Variants in RSPO3 observed in about 807,000 individuals in gnomAD.
RSPO3 encodes R-spondin-3.
Under a neutral mutation model 36.5 loss-of-function variants are expected in RSPO3, and 17 were observed. The observed-to-expected ratio is 0.47, with a 90% CI of 0.32 to 0.70. RSPO3 has a LOEUF of 0.70. Among genes scored for constraint, RSPO3 ranks in the 30% least tolerant of loss-of-function variants. RSPO3 has a pLI of 0.04. For synonymous variants in RSPO3, 108 were observed against 107.0 expected, an observed-to-expected ratio of 1.01 and a Z score of -0.06; for missense variants, 294 against 322.5, an observed-to-expected ratio of 0.91 and a Z score of 0.68.
intron 4 of RSPO3, among the ~76,000 whole-genome samples, chr6:127,180,494 A>G (rs866634629): frequency 0.017 from 2,499 of 146,210 alleles, 20 homozygotes; most frequent in African/African-American, 0.059. Flanking sequence ...AAACAAAAAA[A>G]AAAAAAAAAA....
intron 1 of RSPO3, among the ~76,000 whole-genome samples, chr6:127,121,717 T>C (rs914052598): frequency 5.3e-5 from 8 of 152,312 alleles, no homozygotes; most frequent in African/African-American, 1.9e-4. Flanking sequence ...AACTCAGATA[T>C]ACCGTTTGTT....
At chr6:127,148,414 T>C (rs1186319006) in intron 1 of RSPO3, among the ~76,000 whole-genome samples, 1 of 151,768 alleles carries the variant, frequency 6.6e-6, no homozygotes, top group Non-Finnish European at 1.5e-5. Context: ...TTTGAGGCAG[T>C]ATATTCTTTA....
At chr6:127,127,146 C>A (rs895774350) in intron 1 of RSPO3, among the ~76,000 whole-genome samples, 3 of 152,036 alleles carry the variant, frequency 2.0e-5, no homozygotes, top group African/African-American at 4.8e-5. Context: ...CCACATAATA[C>A]AAACCACTAC....
rs145884899 is a variant in RSPO3 at position 127,157,479 on chromosome 6, T to C, written c.634+2041T>C. ...TCAACTGTTAAAACTGGCATTTATCTCATCTAGAAAGAGATAAAATAAACA... is the reference window on the plus strand; with the variant it reads ...TCAACTGTTAAAACTGGCATTTATCCCATCTAGAAAGAGATAAAATAAACA... On this transcript the variant is annotated intron_variant, in intron 4 of 4. Transcript: ENST00000356698. Among the ~76,000 whole-genome samples the C allele has an allele frequency of 2.8e-3, 430 of 152,178 alleles. 2 individuals carry two copies. The highest frequency in any genetic ancestry group is 9.5e-3 in the African/African-American group (394 of 41,568).
chr6:127,196,042 T>C lies in RSPO3; in HGVS notation c.*35T>C. The C allele has an allele frequency of 6.5e-7, 1 of 1,529,176 alleles. No homozygotes were observed. The highest frequency in any genetic ancestry group is 8.8e-7 in the Non-Finnish European group (1 of 1,132,636). 94.7% of individuals were successfully genotyped at this position (1,529,176 alleles called of 1,614,324 possible). The stretch of plus-strand genomic sequence containing the variant: ...TGAGATTATTGTAGACTCATGATGC[T>C]GCTATCTCAACCAGATGCCCAGGAC... On this transcript the variant is annotated 3_prime_UTR_variant, in exon 5 of 5. Transcript: ENST00000356698.
At chr6:127,147,180 G>A (rs1774402324) in intron 1 of RSPO3, among the ~76,000 whole-genome samples, 1 of 152,130 alleles carries the variant, frequency 6.6e-6, no homozygotes, top group South Asian at 2.1e-4. Flanking sequence ...GTTTCCTACA[G>A]GCAGAGGATG....
chr6:127,174,317 A>G (rs544210154), intron 4 of RSPO3, among the ~76,000 whole-genome samples: 1 of 152,010 alleles, frequency 6.6e-6, no homozygotes, highest in South Asian at 2.1e-4. Context: ...CACTTGCAAC[A>G]TAATTAGAGA....
intron 1 of RSPO3, among the ~76,000 whole-genome samples, chr6:127,130,595 T>C (rs1774032187): frequency 6.6e-6 from 1 of 152,114 alleles, no homozygotes; most frequent in African/African-American, 2.4e-5. Context: ...TGTGGAACAA[T>C]GTATTTAATT....
At chr6:127,127,537 C>T (rs1455124807) in intron 1 of RSPO3, among the ~76,000 whole-genome samples, 1 of 151,984 alleles carries the variant, frequency 6.6e-6, no homozygotes, top group Non-Finnish European at 1.5e-5. Flanking sequence ...GTTATAATCA[C>T]CAGTAAGTGC....
chr6:127,125,088 A>T (rs1773914172), intron 1 of RSPO3, among the ~76,000 whole-genome samples: 2 of 152,192 alleles, frequency 1.3e-5, no homozygotes, highest in East Asian at 3.9e-4. Context: ...TTTATTTGTC[A>T]CTTGGCAAGG....
At position 127,155,343 on chromosome 6, in the gene RSPO3, T is replaced by C. The variant is rs1452527495; in HGVS notation, c.539T>C (p.Ile180Thr). Residue 180 changes from isoleucine (I) to threonine (T), a missense_variant, in exon 4 of 5, where the codon ATA (isoleucine) becomes ACA (threonine). By Grantham distance (89) the Ile-to-Thr change is moderately conservative. Coordinates refer to ENST00000356698, the MANE Select transcript of RSPO3 (RefSeq NM_032784.5). Reference protein sequence around the residue: ...RGTETRVREIIQHPSAKGNLC... With the variant: ...RGTETRVREITQHPSAKGNLC... ...ACTGAAACACGGGTCCGAGAAATAATACAGCATCCTTCAGCAAAGGGTAAC... is the reference window on the plus strand; with the variant it reads ...ACTGAAACACGGGTCCGAGAAATAACACAGCATCCTTCAGCAAAGGGTAAC... 7 of 1,613,754 alleles carry C rather than the reference T, an allele frequency of 4.3e-6. No individual in the cohort carries two copies. Among genetic ancestry groups the C allele is most frequent in the Non-Finnish European group, 5.9e-6 (7 of 1,179,884 alleles).
intron 4 of RSPO3, among the ~76,000 whole-genome samples, chr6:127,190,824 A>ATTT (rs1416604478): frequency 2.0e-5 from 3 of 152,218 alleles, no homozygotes; most frequent in African/African-American, 7.2e-5. Context: ...GAAGACCTAT[A>ATTT]GACAGATTTT....
At chr6:127,186,777 T>C (rs1775303553) in intron 4 of RSPO3, among the ~76,000 whole-genome samples, 1 of 152,160 alleles carries the variant, frequency 6.6e-6, no homozygotes, top group Admixed American at 6.6e-5. Flanking sequence ...TGTTTAAAAA[T>C]TAATGATAGT....
At chr6:127,185,313 C>A (rs539146575) in intron 4 of RSPO3, among the ~76,000 whole-genome samples, 1 of 151,994 alleles carries the variant, frequency 6.6e-6, no homozygotes, top group African/African-American at 2.4e-5. Flanking sequence ...GCATTACCTG[C>A]TATAGGTGAA....
chr6:127,183,544 C>T (rs1174985336), intron 4 of RSPO3, among the ~76,000 whole-genome samples: 1 of 151,940 alleles, frequency 6.6e-6, no homozygotes, highest in Non-Finnish European at 1.5e-5. Context: ...CTGTCCTTCT[C>T]CAACTCTAAC....
chr6:127,191,224 G>A (rs955046069), intron 4 of RSPO3, among the ~76,000 whole-genome samples: 3 of 152,154 alleles, frequency 2.0e-5, no homozygotes, highest in East Asian at 1.9e-4. Flanking sequence ...TAGGAAAAAT[G>A]AAAGAAACAA....
intron 1 of RSPO3, among the ~76,000 whole-genome samples, chr6:127,129,334 C>G (rs1458081828): frequency 6.6e-6 from 1 of 152,002 alleles, no homozygotes; most frequent in African/African-American, 2.4e-5. Flanking sequence ...ATTTTCAAAT[C>G]TTGCCATAAA....
intron 1 of RSPO3, among the ~76,000 whole-genome samples, chr6:127,126,292 T>G (rs142320452): frequency 6.6e-6 from 1 of 152,048 alleles, no homozygotes; most frequent in East Asian, 1.9e-4. Flanking sequence ...TGATGTTTAT[T>G]ATTATCAAAA....
At chr6:127,150,174 T>G (rs974381519) in intron 2 of RSPO3, among the ~76,000 whole-genome samples, 3 of 151,652 alleles carry the variant, frequency 2.0e-5, no homozygotes, top group African/African-American at 7.3e-5. Flanking sequence ...GAGATATATA[T>G]ATATATATAT....
Sources: gnomAD v4.1 joint callset for allele counts (sites outside exome capture counted in the v4.1 genomes callset) on GRCh38, gnomAD v4.1.1 for gene constraint, MANE v1.5 for transcripts, NCBI Gene and HGNC (gene_info 2026-07-23, HGNC 2026-07-21) for gene names.